PTPRN2: variants seen among roughly 807,000 people sequenced by gnomAD.
The protein encoded by PTPRN2 is protein tyrosine phosphatase receptor type N2.
Under a neutral mutation model 118.8 loss-of-function variants are expected in PTPRN2, and 74 were observed. The observed-to-expected ratio is 0.62, with a 90% CI of 0.52 to 0.76. PTPRN2 has a LOEUF of 0.76. PTPRN2 is among the 30% of genes least tolerant of loss of function. The probability of loss-of-function intolerance (pLI) is 0.00; values close to 1 mark genes in which losing one functional copy is unlikely to be tolerated. For missense variants in PTPRN2, 1,481 were observed against 1,394.4 expected (o/e 1.06, Z -0.99); for synonymous variants, 641 against 608.0 (o/e 1.05, Z -0.80).
Position 158,188,273 on chromosome 7 carries a change from T to C in PTPRN2, c.549+4054A>G, listed in dbSNP as rs1460524249. Among the ~76,000 whole-genome samples, 45 of 50,966 alleles carry C rather than the reference T, an allele frequency of 8.8e-4. 2 individuals carry two copies. Among genetic ancestry groups the C allele is most frequent in the South Asian group, 3.1e-3 (4 of 1,304 alleles). 33.4% of individuals were successfully genotyped at this position (50,966 alleles called of 152,430 possible). On this transcript the variant is annotated intron_variant, in intron 5 of 22. Coordinates refer to ENST00000389418, the MANE Select transcript of PTPRN2 (RefSeq NM_002847.5). ...GGGGAAGGCCGCCACGCTCGCCCCC[T>C]GTATGGGGAAGGCCGCCACGCTCGC...
chr7:157,639,342 C>T (rs1804530953), intron 14 of PTPRN2, among the ~76,000 whole-genome samples: 1 of 152,138 alleles, frequency 6.6e-6, no homozygotes, highest in South Asian at 2.1e-4. Flanking sequence ...AGCTATCTTT[C>T]TTTATTAGGG....
intron 14 of PTPRN2, among the ~76,000 whole-genome samples, chr7:157,655,766 C>T (rs1010969788): frequency 6.6e-6 from 1 of 152,164 alleles, no homozygotes; most frequent in Non-Finnish European, 1.5e-5. Flanking sequence ...AACACCCGGA[C>T]ATTCATTATG....
chr7:157,761,986 T>C (rs1287698814), intron 12 of PTPRN2, among the ~76,000 whole-genome samples: 1 of 152,022 alleles, frequency 6.6e-6, no homozygotes, highest in African/African-American at 2.4e-5. Context: ...AAAAAACACA[T>C]GAAAAAAGGC....
chr7:158,384,640 G>A (rs1811194611), intron 2 of PTPRN2, among the ~76,000 whole-genome samples: 1 of 152,200 alleles, frequency 6.6e-6, no homozygotes. Context: ...TAAGCCAGAA[G>A]GGTGTTTGTG....
chr7:158,489,261 C>A (rs986446657), intron 2 of PTPRN2, among the ~76,000 whole-genome samples: 1 of 152,176 alleles, frequency 6.6e-6, no homozygotes, highest in East Asian at 1.9e-4. Context: ...GCCTGGCCAA[C>A]ATGGTGAAAC....
chr7:158,154,624 C>T (rs1289929906), intron 6 of PTPRN2, among the ~76,000 whole-genome samples: 1 of 152,104 alleles, frequency 6.6e-6, no homozygotes, highest in African/African-American at 2.4e-5. Context: ...TTCAGTGGGC[C>T]TCTTAGAATC....
At chr7:158,025,800 G>A (rs939402513) in intron 11 of PTPRN2, among the ~76,000 whole-genome samples, 1 of 152,266 alleles carries the variant, frequency 6.6e-6, no homozygotes, top group Non-Finnish European at 1.5e-5. Context: ...CAAACCCTAA[G>A]AAAAGCGGCA....
intron 12 of PTPRN2, among the ~76,000 whole-genome samples, chr7:157,781,942 GC>G (rs1443574191): frequency 6.6e-6 from 1 of 152,228 alleles, no homozygotes; most frequent in Non-Finnish European, 1.5e-5. Context: ...TCAGGCAGAT[GC>G]CCATATGCCT....
intron 6 of PTPRN2, among the ~76,000 whole-genome samples, chr7:158,146,069 T>G (rs951090024): frequency 9.4e-6 from 1 of 106,440 alleles, no homozygotes; most frequent in Non-Finnish European, 2.2e-5. Flanking sequence ...CTTTTCCCCC[T>G]TTCCCATCCA....
At chr7:158,310,049 G>A (rs1439748900) in intron 3 of PTPRN2, among the ~76,000 whole-genome samples, 2 of 152,192 alleles carry the variant, frequency 1.3e-5, no homozygotes, top group African/African-American at 4.8e-5. Flanking sequence ...ATATGGGGGA[G>A]CCTCCAGAGC....
Position 157,831,249 on chromosome 7 carries a change from C to A in PTPRN2, c.1788+67424G>T, listed in dbSNP as rs1038003848. On this transcript the variant is annotated intron_variant, in intron 12 of 22. Coordinates refer to ENST00000389418, the MANE Select transcript of PTPRN2 (RefSeq NM_002847.5). The surrounding 1 kb of genome is among the most constrained non-coding windows in gnomAD (Gnocchi z 4.8). ...GTGCAGGGAAGTCCAGAGACAGAAG[C>A]CCCCATGGTGCAGGCCTGTCCCAGC... Among the ~76,000 whole-genome samples, 3 of 152,170 alleles carry A rather than the reference C, an allele frequency of 2.0e-5. No individual in the cohort carries two copies. Among genetic ancestry groups the A allele is most frequent in the African/African-American group, 4.8e-5 (2 of 41,438 alleles).
At position 157,578,022 on chromosome 7, in the gene PTPRN2, T is replaced by G; in HGVS notation, c.2615A>C (p.Glu872Ala). 1.2e-6 allele frequency: 2 copies of G among 1,609,324 alleles called. No homozygotes were observed. Among genetic ancestry groups the G allele is most frequent in the Middle Eastern group, 3.3e-4 (2 of 6,000 alleles). The stretch of plus-strand genomic sequence containing the variant: ...CCTGGGTGGCTCTGGTCGGAGTACC[T>G]CATAGATGTGGTAGAGATTGGAGCC... ...DEGSNLYHIY[E>A]VNLVSEHIWC... is the part of the protein sequence containing the mutation. Residue 872 changes from glutamate (E) to alanine (A), a missense_variant and splice_region_variant, in exon 18 of 23, where the codon GAG becomes GCG. Glu to Ala is a moderately radical substitution (Grantham distance 107). Around this residue, in one of 3 missense-constraint regions of PTPRN2, gnomAD observed 362 missense variants for 384.1 expected, o/e 0.94. Coordinates refer to ENST00000389418, the MANE Select transcript of PTPRN2 (RefSeq NM_002847.5).
At chr7:158,090,341 T>G (rs1471971683) in intron 10 of PTPRN2, among the ~76,000 whole-genome samples, 2 of 152,252 alleles carry the variant, frequency 1.3e-5, no homozygotes, top group Non-Finnish European at 2.9e-5. Flanking sequence ...CCAATTGGGC[T>G]GGAAATAACA....
At position 158,262,695 on chromosome 7, in the gene PTPRN2, C is replaced by T. The variant is rs1243685605; in HGVS notation, c.277+54124G>A. 2.0e-5 allele frequency among the ~76,000 whole-genome samples: 3 copies of T among 151,304 alleles called. No individual in the cohort carries two copies. The East Asian group carries it at 5.8e-4, about 29-fold the overall frequency. ...ACATTCACACATACACACATTCACA[C>T]ACACTGCACAGATTCACACACATTG... On this transcript the variant is annotated intron_variant, in intron 3 of 22. Transcript: ENST00000389418.
Position 158,328,798 on chromosome 7 carries a change from C to A in PTPRN2, c.164-11866G>T, listed in dbSNP as rs752980795. 5.2e-3 allele frequency among the ~76,000 whole-genome samples: 761 copies of A among 147,320 alleles called. 5 individuals carry two copies. The highest frequency in any genetic ancestry group is 8.7e-3 in the Non-Finnish European group (582 of 66,916). ...ACTAGGAGCGGGGCCTCCATTCCCC[C>A]CCCCCCGCCACCCAGGGATCCCAGG... On this transcript the variant is annotated intron_variant, in intron 2 of 22. Transcript: ENST00000389418.
chr7:158,006,994 A>G (rs1865463), intron 11 of PTPRN2, among the ~76,000 whole-genome samples: 125,468 of 152,116 alleles, frequency 0.82, 51,917 homozygotes, highest in East Asian at 0.88. Flanking sequence ...ACTCCGTCAC[A>G]GTTCTGGGGG....
intron 16 of PTPRN2, among the ~76,000 whole-genome samples, chr7:157,595,776 G>A (rs1490288575): frequency 6.6e-6 from 1 of 152,214 alleles, no homozygotes; most frequent in Non-Finnish European, 1.5e-5. Context: ...CTTGCCCTTT[G>A]TTGATTCAAA....
chr7:157,593,899 G>C (rs1333818718), intron 17 of PTPRN2, among the ~76,000 whole-genome samples: 2 of 152,172 alleles, frequency 1.3e-5, no homozygotes, highest in African/African-American at 4.8e-5. Context: ...GGGATTACAA[G>C]CTTCAACAAC....
intron 12 of PTPRN2, among the ~76,000 whole-genome samples, chr7:157,774,414 C>A (rs893717821): frequency 1.3e-5 from 2 of 152,162 alleles, no homozygotes; most frequent in Non-Finnish European, 2.9e-5. Flanking sequence ...CTGGTGAATC[C>A]TAGGGTGGGC....
Sources: gnomAD v4.1 joint callset for allele counts (sites outside exome capture counted in the v4.1 genomes callset) on GRCh38, gnomAD v4.1.1 for gene constraint, gnomAD v4.1.1 regional missense constraint, Gnocchi (gnomAD v3.1) non-coding constraint, MANE v1.5 for transcripts, NCBI Gene and HGNC (gene_info 2026-07-23, HGNC 2026-07-21) for gene names.